MCF2L: variants seen among roughly 807,000 people sequenced by gnomAD.
The protein encoded by MCF2L is guanine nucleotide exchange factor DBS.
A neutral mutation model predicts 153.4 loss-of-function variants in MCF2L; 97 were observed. The observed-to-expected ratio is 0.63, with a 90% CI of 0.54 to 0.75. MCF2L has a LOEUF of 0.75. MCF2L is among the 30% of genes least tolerant of loss of function. The pLI, the probability that MCF2L is intolerant of heterozygous loss-of-function variation, is 0.00. For missense variants in MCF2L, 1,347 were observed against 1,495.2 expected (o/e 0.90, Z 1.64); for synonymous variants, 659 against 632.2 (o/e 1.04, Z -0.64).
rs1158929643 is a variant in MCF2L at position 113,027,827 on chromosome 13, G to A, written c.278+3069G>A. The stretch of plus-strand genomic sequence containing the variant: ...GGGATGGCTGGGCAGGGGAGCGCCC[G>A]AAGGCTCAGACCACATGGCCGTACC... On this transcript the variant is annotated intron_variant, in intron 3 of 29. Transcript: ENST00000535094. This position sits in a 1 kb window ranked among gnomAD's most constrained non-coding sequence, Gnocchi z 4.8. 2.0e-5 allele frequency among the ~76,000 whole-genome samples: 3 copies of A among 152,334 alleles called. No homozygotes were observed. The highest frequency in any genetic ancestry group is 1.9e-4 in the East Asian group (1 of 5,184).
chr13:113,091,526 T>C (rs539167234), intron 26 of MCF2L, among the ~76,000 whole-genome samples: 1 of 152,212 alleles, frequency 6.6e-6, no homozygotes, highest in African/African-American at 2.4e-5. Context: ...GTGGCTGCTG[T>C]CGGCTATAGG....
At chr13:113,082,073 G>T (rs191165766) in intron 16 of MCF2L, among the ~76,000 whole-genome samples, 5 of 151,966 alleles carry the variant, frequency 3.3e-5, no homozygotes, top group Admixed American at 2.6e-4. Context: ...ACGGGTGTCT[G>T]AGTCACCGAG....
At chr13:113,062,927 G>A (rs116980211) in intron 5 of MCF2L, among the ~76,000 whole-genome samples, 2,574 of 152,326 alleles carry the variant, frequency 0.017, 28 homozygotes, top group Non-Finnish European at 0.024. Context: ...CACTCTCCCC[G>A]TCCGGCCTCA....
At chr13:112,903,244 C>G (rs1364073822) in intron 2 of MCF2L, among the ~76,000 whole-genome samples, 1 of 152,218 alleles carries the variant, frequency 6.6e-6, no homozygotes, top group African/African-American at 2.4e-5. Context: ...AATTCTGCTG[C>G]CTGCTCTAAA....
chr13:112,996,249 G>A (rs1037700263), intron 1 of MCF2L, among the ~76,000 whole-genome samples: 2 of 152,234 alleles, frequency 1.3e-5, no homozygotes, highest in African/African-American at 4.8e-5. Context: ...GAGCTCCGGA[G>A]ATCAAGGCTG....
rs1389275961 is a variant in MCF2L at position 113,027,349 on chromosome 13, T to C, written c.278+2591T>C. On this transcript the variant is annotated intron_variant, in intron 3 of 29. Transcript: ENST00000535094. The surrounding 1 kb of genome is among the most constrained non-coding windows in gnomAD (Gnocchi z 4.8). ...GGAGAGGGAGAGCGGTGGGCACCTC[T>C]GTCCACTTGGCGGGTTGAGGTGGGA... is the stretch of plus-strand genomic sequence containing the variant. Among the ~76,000 whole-genome samples, 1 of 151,782 alleles carries C rather than the reference T, an allele frequency of 6.6e-6. No homozygotes were observed. Among genetic ancestry groups the C allele is most frequent in the Admixed American group, 6.6e-5 (1 of 15,224 alleles).
chr13:112,986,336 C>A (rs964715096), intron 1 of MCF2L, among the ~76,000 whole-genome samples: 1 of 152,222 alleles, frequency 6.6e-6, no homozygotes, highest in East Asian at 1.9e-4. Context: ...TGAACTCACC[C>A]GTTCTGCAGA....
rs902930599 is a variant in MCF2L, at chr13:112,983,576, G to A, written c.79+14118G>A. ...TGCTGGGCACGGCAGAGCCGTAGGC[G>A]GAGACAGGGAGCCGGGAGGAGCGTC... is the stretch of plus-strand genomic sequence containing the variant. On this transcript the variant is annotated intron_variant, in intron 1 of 29. Transcript: ENST00000535094. This position sits in a 1 kb window ranked among gnomAD's most constrained non-coding sequence, Gnocchi z 4.0. Among the ~76,000 whole-genome samples the A allele has an allele frequency of 6.6e-5, 10 of 152,244 alleles. No homozygotes were observed. Among genetic ancestry groups the A allele is most frequent in the African/African-American group, 1.9e-4 (8 of 41,472 alleles).
intron 4 of MCF2L, among the ~76,000 whole-genome samples, chr13:113,050,522 G>A (rs533500852): frequency 7.3e-5 from 11 of 150,954 alleles, no homozygotes; most frequent in Admixed American, 3.3e-4. Context: ...GGTGTCTGAG[G>A]GACCCCGGAC....
rs755756047 is a variant in MCF2L, at chr13:113,033,954, C to T, written c.278+9196C>T. ...GCCATTCCTTCCTCCGGGTTCTGCA[C>T]GCACCGCGGTGACCACCTCCCCCCG... On this transcript the variant is annotated intron_variant, in intron 3 of 29. Coordinates refer to ENST00000535094, the MANE Select transcript of MCF2L (RefSeq NM_001112732.3). 5.4e-4 allele frequency: 79 copies of T among 145,600 alleles called. 2 individuals carry two copies. Among genetic ancestry groups the T allele is most frequent in the East Asian group, 2.3e-4 (1 of 4,280 alleles). The allele number at this position is 145,600 out of a possible 1,614,324, so 9.0% of individuals were successfully genotyped here.
chr13:112,948,711 A>G (rs923146454), intron 2 of MCF2L, among the ~76,000 whole-genome samples: 11 of 152,244 alleles, frequency 7.2e-5, no homozygotes, highest in African/African-American at 2.7e-4. Flanking sequence ...TAGAAAATGA[A>G]GAGCAAAATA....
chr13:113,033,359 G>GCGTGAGTGGCCCCCGTGA (rs1478113885), intron 3 of MCF2L, among the ~76,000 whole-genome samples: 318 of 25,906 alleles, frequency 0.012, 16 homozygotes, highest in African/African-American at 0.035. Context: ...GGACCCCGTG[G>GCGTGAGTGGCCCCCGTGA]CGTGAGTGGC....
At chr13:113,014,317 A>G (rs74115736) in intron 1 of MCF2L, among the ~76,000 whole-genome samples, 1 of 152,342 alleles carries the variant, frequency 6.6e-6, no homozygotes, top group African/African-American at 2.4e-5. Context: ...TTCCATGGCC[A>G]GGTTTTCCTC....
chr13:112,918,804 G>A (rs1216046892), intron 2 of MCF2L, among the ~76,000 whole-genome samples: 1 of 152,142 alleles, frequency 6.6e-6, no homozygotes, highest in Admixed American at 6.5e-5. Flanking sequence ...GTTTTGGTAA[G>A]AGACCTGACT....
chr13:113,003,472 G>A (rs911908196), intron 1 of MCF2L, among the ~76,000 whole-genome samples: 1 of 150,908 alleles, frequency 6.6e-6, no homozygotes, highest in Admixed American at 6.6e-5. Flanking sequence ...TTGGCTGTGG[G>A]GCACCGTGGA....
intron 2 of MCF2L, among the ~76,000 whole-genome samples, chr13:112,931,509 T>A (rs2081463261): frequency 6.6e-6 from 1 of 152,274 alleles, no homozygotes; most frequent in South Asian, 2.1e-4. Flanking sequence ...GAACTGACGC[T>A]TAGCTTAGTG....
chr13:112,919,905 C>T (rs2081335824), intron 2 of MCF2L, among the ~76,000 whole-genome samples: 1 of 152,194 alleles, frequency 6.6e-6, no homozygotes, highest in Non-Finnish European at 1.5e-5. Context: ...AATTTCTCTT[C>T]CCTCAAATAT....
At chr13:112,953,873 G>T (rs955334395) in intron 2 of MCF2L, among the ~76,000 whole-genome samples, 5 of 152,218 alleles carry the variant, frequency 3.3e-5, no homozygotes, top group African/African-American at 1.2e-4. Flanking sequence ...GGCTGCCAGG[G>T]CCCTGCTGTG....
At chr13:113,023,326 G>A (rs544906241) in intron 2 of MCF2L, among the ~76,000 whole-genome samples, 14 of 152,350 alleles carry the variant, frequency 9.2e-5, no homozygotes, top group African/African-American at 2.6e-4. Context: ...ACAAGGACTC[G>A]GGAGGAGGCC....
Sources: allele counts gnomAD v4.1 joint callset (sites outside exome capture counted in the v4.1 genomes callset), GRCh38; gene constraint gnomAD v4.1.1; non-coding constraint Gnocchi (gnomAD v3.1); transcripts MANE v1.5; gene names NCBI Gene and HGNC (gene_info 2026-07-23, HGNC 2026-07-21).